IL1RAPL1: variants seen among roughly 807,000 people sequenced by gnomAD.
The protein encoded by IL1RAPL1 is interleukin-1 receptor accessory protein-like 1.
A neutral mutation model predicts 48.4 loss-of-function variants in IL1RAPL1; 3 were observed. That is an observed-to-expected ratio of 0.06 (90% CI 0.03 to 0.16). The LOEUF is 0.16. IL1RAPL1 is among the 10% of genes least tolerant of loss of function. The pLI, the probability that IL1RAPL1 is intolerant of heterozygous loss-of-function variation, is 1.00. For synonymous variants in IL1RAPL1, 185 were observed against 187.7 expected, an observed-to-expected ratio of 0.99 and a Z score of 0.12; for missense variants, 349 against 530.6, an observed-to-expected ratio of 0.66 and a Z score of 3.36.
At chrX:29,144,931 G>T (rs1237479651) in intron 2 of IL1RAPL1, among the ~76,000 whole-genome samples, 1 of 109,309 alleles carries the variant, frequency 9.1e-6, no homozygotes, top group Non-Finnish European at 1.9e-5. Context: ...GTTTCACTAT[G>T]TTCACCAGGC....
At chrX:29,260,505 T>C (rs927048243) in intron 2 of IL1RAPL1, among the ~76,000 whole-genome samples, 3 of 111,753 alleles carry the variant, frequency 2.7e-5, no homozygotes, top group Admixed American at 9.6e-5. Context: ...ACTTATTCAC[T>C]ACCATGAAAA....
chrX:29,766,980 C>T (rs1047127858), intron 6 of IL1RAPL1, among the ~76,000 whole-genome samples: 10 of 109,866 alleles, frequency 9.1e-5, no homozygotes, highest in Admixed American at 2.0e-4. Flanking sequence ...ATACACAGTC[C>T]GTATTCACAT....
chrX:28,928,498 T>C (rs1406152700), intron 2 of IL1RAPL1, among the ~76,000 whole-genome samples: 1 of 112,048 alleles, frequency 8.9e-6, no homozygotes, highest in Admixed American at 9.5e-5. Context: ...TCCTAACCTC[T>C]GCCTAGCTTT....
rs1288113954 is a variant in IL1RAPL1, at chrX:29,228,368, TGTGTGA to T, written c.83-54568_83-54563del. The stretch of plus-strand genomic sequence containing the variant: ...GTGTGTGTGTGTGTGTGTGTGTGTG[TGTGTGA>T]GACAGAGTCTCACCCTGTTACCCAG... On this transcript the variant is annotated intron_variant, in intron 2 of 10. Transcript: ENST00000378993. Among the ~76,000 whole-genome samples, 47 of 104,431 alleles carry T rather than the reference TGTGTGA, an allele frequency of 4.5e-4. 1 individual carries two copies. The South Asian group carries it at 5.9e-3, about 13-fold the overall frequency. 90.7% of individuals were successfully genotyped at this position (104,431 alleles called of 115,157 possible). A position where few individuals can be genotyped will look rare whatever the true frequency, so the allele number is the denominator to read the frequency against.
intron 6 of IL1RAPL1, among the ~76,000 whole-genome samples, chrX:29,910,626 T>C (rs1288324093): frequency 8.9e-6 from 1 of 112,092 alleles, no homozygotes; most frequent in Non-Finnish European, 1.9e-5. Flanking sequence ...AAATTCATTA[T>C]AGTGTTTATA....
chrX:29,699,951 A>G (rs887957116), intron 6 of IL1RAPL1, among the ~76,000 whole-genome samples: 3 of 111,627 alleles, frequency 2.7e-5, no homozygotes, highest in East Asian at 5.6e-4. Context: ...GGCTGTGGGT[A>G]TAGTGATGAA....
chrX:29,757,931 T>C (rs2147143955), intron 6 of IL1RAPL1, among the ~76,000 whole-genome samples: 1 of 111,629 alleles, frequency 9.0e-6, no homozygotes, highest in African/African-American at 3.2e-5. Context: ...AACAAAGAAC[T>C]TTTTCTTGTC....
At chrX:29,905,537 T>C (rs1932592364) in intron 6 of IL1RAPL1, among the ~76,000 whole-genome samples, 1 of 111,379 alleles carries the variant, frequency 9.0e-6, no homozygotes, top group Non-Finnish European at 1.9e-5. Context: ...CTTGAGTTGA[T>C]TTTTGTATAA....
intron 3 of IL1RAPL1, among the ~76,000 whole-genome samples, chrX:29,320,876 TATG>T (rs997890731): frequency 1.1e-3 from 123 of 111,237 alleles, no homozygotes; most frequent in Non-Finnish European, 3.2e-4. Context: ...AGGAAATTGA[TATG>T]ATCCATTTTA....
rs1325149666 is a variant in IL1RAPL1 at position 29,478,307 on chromosome X, T to G, written c.703+78999T>G. On this transcript the variant is annotated intron_variant, in intron 5 of 10. Transcript: ENST00000378993. ...TTTAGAGCCCTCTTTGACTCCTGTCTTCCTCACAACTCACGTGAACCCATG... is the reference window on the plus strand; with the variant it reads ...TTTAGAGCCCTCTTTGACTCCTGTCGTCCTCACAACTCACGTGAACCCATG... Among the ~76,000 whole-genome samples the G allele has an allele frequency of 2.7e-5, 3 of 112,119 alleles. No individual in the cohort carries two copies. In the East Asian group the frequency reaches 8.4e-4, roughly 31 times the overall value.
At chrX:29,052,189 C>T (rs1244110917) in intron 2 of IL1RAPL1, among the ~76,000 whole-genome samples, 1 of 111,743 alleles carries the variant, frequency 8.9e-6, no homozygotes, top group Admixed American at 9.5e-5. Context: ...AACATGAACT[C>T]CTTATTTCTG....
At chrX:28,873,106 C>CTTTTTTTTT (rs764591682) in intron 2 of IL1RAPL1, among the ~76,000 whole-genome samples, 3 of 64,990 alleles carry the variant, frequency 4.6e-5, no homozygotes, top group East Asian at 5.5e-4. Context: ...TTTTTTTTCA[C>CTTTTTTTTT]TTTTTTTTTT....
chrX:28,656,571 C>T (rs1368957486), intron 1 of IL1RAPL1, among the ~76,000 whole-genome samples: 1 of 111,147 alleles, frequency 9.0e-6, no homozygotes, highest in Non-Finnish European at 1.9e-5. Context: ...TTGCCCTATG[C>T]CTGGGCTACT....
At chrX:28,697,426 T>A (rs1426196888) in intron 1 of IL1RAPL1, among the ~76,000 whole-genome samples, 2 of 111,264 alleles carry the variant, frequency 1.8e-5, no homozygotes, top group African/African-American at 6.5e-5. Flanking sequence ...TGGATTTTCT[T>A]GTCTCTTAGA....
intron 6 of IL1RAPL1, among the ~76,000 whole-genome samples, chrX:29,899,334 T>C (rs2147225466): frequency 9.0e-6 from 1 of 111,055 alleles, no homozygotes; most frequent in African/African-American, 3.3e-5. Flanking sequence ...AAAAATCTAC[T>C]GAGCCTTTAG....
chrX:29,892,323 G>T (rs1932288592), intron 6 of IL1RAPL1, among the ~76,000 whole-genome samples: 1 of 111,799 alleles, frequency 8.9e-6, no homozygotes, highest in Non-Finnish European at 1.9e-5. Context: ...CAGAGGACAA[G>T]AAAAAATATC....
chrX:29,401,679 TAA>T (rs11336384), intron 5 of IL1RAPL1, among the ~76,000 whole-genome samples: 4 of 98,758 alleles, frequency 4.1e-5, no homozygotes, highest in Admixed American at 3.4e-4. Context: ...AATGTCACTT[TAA>T]AAAAAAAAAA....
At position 28,667,546 on chromosome X, in the gene IL1RAPL1, A is replaced by G. The variant is rs147307773; in HGVS notation, c.-25+79499A>G. 7.1e-3 allele frequency among the ~76,000 whole-genome samples: 789 copies of G among 110,716 alleles called. 5 individuals carry two copies. The highest frequency in any genetic ancestry group is 0.025 in the African/African-American group (754 of 30,396). ...TTTGTCTGTTCGCCTCATGCTAGTA[A>G]CTCCCTTTCTCATTCTTCCACATGT... is the stretch of plus-strand genomic sequence containing the variant. On this transcript the variant is annotated intron_variant, in intron 1 of 10. Coordinates refer to ENST00000378993, the MANE Select transcript of IL1RAPL1 (RefSeq NM_014271.4).
At chrX:29,505,276 G>C (rs1935315940) in intron 5 of IL1RAPL1, among the ~76,000 whole-genome samples, 1 of 111,161 alleles carries the variant, frequency 9.0e-6, no homozygotes, top group South Asian at 3.8e-4. Context: ...AGTTATGTAT[G>C]GTTTACACAC....
Sources: allele counts gnomAD v4.1 joint callset (sites outside exome capture counted in the v4.1 genomes callset), GRCh38; gene constraint gnomAD v4.1.1; transcripts MANE v1.5; gene names NCBI Gene and HGNC (gene_info 2026-07-23, HGNC 2026-07-21).